TXNL1: variants seen among roughly 807,000 people sequenced by gnomAD.
TXNL1 encodes the protein thioredoxin like 1.
A neutral mutation model predicts 35.5 loss-of-function variants in TXNL1; 14 were observed. The ratio of observed to expected loss-of-function variants is 0.39; its 90% CI spans 0.26 to 0.62. The LOEUF (loss-of-function observed/expected upper bound fraction) is 0.62. TXNL1 is among the 20% of genes least tolerant of loss of function. TXNL1 has a pLI of 0.47. For missense variants in TXNL1, 263 were observed against 349.7 expected, an observed-to-expected ratio of 0.75 and a Z score of 1.98; for synonymous variants, 110 against 115.5, an observed-to-expected ratio of 0.95 and a Z score of 0.31.
intron 7 of TXNL1, among the ~76,000 whole-genome samples, chr18:56,605,782 T>G (rs984705161): frequency 1.3e-5 from 2 of 152,216 alleles, no homozygotes; most frequent in Non-Finnish European, 1.5e-5. Context: ...CTTAAAAGTC[T>G]AACCTTCAAA....
chr18:56,617,513 C>G (rs1022960035), intron 4 of TXNL1, among the ~76,000 whole-genome samples: 1 of 152,122 alleles, frequency 6.6e-6, no homozygotes, highest in Admixed American at 6.5e-5. Flanking sequence ...AAGTAACAGC[C>G]AAAATGAAGA....
rs1397285228 is a variant in TXNL1, at chr18:56,614,406, G to A, written c.735+18C>T. The stretch of plus-strand genomic sequence containing the variant: ...ACTCACAAACCTATTAAATACATAT[G>A]AACGAAATACTACTTACAGTTACAC... On this transcript the variant is annotated intron_variant, in intron 6 of 7. Coordinates refer to ENST00000217515, the MANE Select transcript of TXNL1 (RefSeq NM_004786.3). 1.9e-6 allele frequency: 3 copies of A among 1,605,922 alleles called. No homozygotes were observed.
intron 7 of TXNL1, among the ~76,000 whole-genome samples, chr18:56,606,849 T>C (rs982653075): frequency 6.6e-6 from 1 of 152,228 alleles, no homozygotes; most frequent in South Asian, 2.1e-4. Context: ...CAGTTTCAAC[T>C]GCCTATGGTG....
intron 3 of TXNL1, among the ~76,000 whole-genome samples, chr18:56,623,421 G>T (rs959094689): frequency 8.4e-6 from 1 of 118,646 alleles, no homozygotes; most frequent in African/African-American, 2.9e-5. Context: ...GAGGGACTCC[G>T]CCTCAAAAAA....
rs185342200 is a variant in TXNL1 at position 56,616,413 on chromosome 18, C to A, written c.493-99G>T. 3.9e-3 allele frequency: 4,005 copies of A among 1,037,018 alleles called. 14 individuals carry two copies. Among genetic ancestry groups the A allele is most frequent in the Non-Finnish European group, 4.4e-3 (3,150 of 715,300 alleles). The allele number at this position is 1,037,018 out of a possible 1,614,324, so 64.2% of individuals were successfully genotyped here. A position where few individuals can be genotyped will look rare whatever the true frequency, so the allele number is the denominator to read the frequency against. On this transcript the variant is annotated intron_variant, in intron 4 of 7. Coordinates refer to ENST00000217515, the MANE Select transcript of TXNL1 (RefSeq NM_004786.3). ...AAAATAACAGGCAAGAAAAAAAAAA[C>A]CAACCTAATTCATCGAACAAAACCA...
At chr18:56,611,433 T>G (rs1418075535) in intron 6 of TXNL1, among the ~76,000 whole-genome samples, 1 of 147,766 alleles carries the variant, frequency 6.8e-6, no homozygotes, top group Non-Finnish European at 1.5e-5. Flanking sequence ...ATCCAGGAGG[T>G]GGAGGTTGCA....
chr18:56,607,875 A>T (rs1488981573), intron 7 of TXNL1, among the ~76,000 whole-genome samples: 3 of 152,172 alleles, frequency 2.0e-5, no homozygotes, highest in Non-Finnish European at 2.9e-5. Flanking sequence ...AAAAATAAGT[A>T]AACCCATTGT....
chr18:56,612,899 C>T (rs1445992949), intron 6 of TXNL1, among the ~76,000 whole-genome samples: 1 of 151,000 alleles, frequency 6.6e-6, no homozygotes, highest in African/African-American at 2.4e-5. Flanking sequence ...GTCACCCAGA[C>T]TGGAGTGTAA....
chr18:56,614,914 A>C (rs368958581), intron 5 of TXNL1, among the ~76,000 whole-genome samples: 11 of 152,260 alleles, frequency 7.2e-5, no homozygotes, highest in African/African-American at 2.6e-4. Flanking sequence ...TAAACAAAAT[A>C]CCACAGGAGA....
chr18:56,635,666 TG>T (rs1357352116), intron 1 of TXNL1, among the ~76,000 whole-genome samples: 1 of 152,114 alleles, frequency 6.6e-6, no homozygotes, highest in Non-Finnish European at 1.5e-5. Context: ...GAAGTAAGGA[TG>T]GGGAGTTATC....
intron 2 of TXNL1, 65 bp from the exon 3 acceptor site, chr18:56,624,526 C>T: frequency 2.0e-6 from 3 of 1,505,934 alleles, no homozygotes; most frequent in South Asian, 2.5e-5. Context: ...ATTCATTCTA[C>T]ACCTTTATGG....
At chr18:56,625,105 G>C (rs1326863158) in intron 2 of TXNL1, among the ~76,000 whole-genome samples, 1 of 152,016 alleles carries the variant, frequency 6.6e-6, no homozygotes, top group African/African-American at 2.4e-5. Context: ...AAAGGAAACA[G>C]TAAAGCAAAT....
In TXNL1 at chr18:56,626,419, G is replaced by T. The variant is rs1262546350; in HGVS notation, c.137C>A (p.Ser46Tyr). The change falls in exon 2 of 8, where the codon TCT becomes TAT. Residue 46 changes from serine (S) to tyrosine (Y), a missense_variant. Coordinates refer to ENST00000217515, the MANE Select transcript of TXNL1 (RefSeq NM_004786.3). ...AGCCTGTGGATATTTATTACTCATA[G>T]AACTGAATGCTGGGGCAATCCTCAA... ...PCLRIAPAFSSMSNKYPQAVF... is the reference protein window; with the variant it reads ...PCLRIAPAFSYMSNKYPQAVF... The T allele has an allele frequency of 5.0e-6, 8 of 1,613,578 alleles. No homozygotes were observed. The highest frequency in any genetic ancestry group is 2.7e-5 in the African/African-American group (2 of 74,900).
rs895105468 is a variant in TXNL1 at position 56,600,958 on chromosome 18, T to G, written c.*2069A>C. On this transcript the variant is annotated 3_prime_UTR_variant, in exon 8 of 8. Transcript: ENST00000217515. ...TCAAAATACAGAGATCATGAAATTCTTTTTTGCTATGTCCGACAAAATGAA... is the reference window on the plus strand; with the variant it reads ...TCAAAATACAGAGATCATGAAATTCGTTTTTGCTATGTCCGACAAAATGAA... 5.3e-5 allele frequency: 8 copies of G among 152,202 alleles called. No individual in the cohort carries two copies. Among genetic ancestry groups the G allele is most frequent in the Admixed American group, 2.6e-4 (4 of 15,276 alleles). The allele number at this position is 152,202 out of a possible 1,614,324, so 9.4% of individuals were successfully genotyped here.
At chr18:56,606,217 A>G (rs892638188) in intron 7 of TXNL1, among the ~76,000 whole-genome samples, 4 of 152,104 alleles carry the variant, frequency 2.6e-5, no homozygotes, top group African/African-American at 9.7e-5. Flanking sequence ...TCTACTAAAT[A>G]TACAAAAAAA....
chr18:56,611,150 T>G (rs1213323200), intron 6 of TXNL1, 53 bp from the exon 7 acceptor site: 1 of 1,170,640 alleles, frequency 8.5e-7, no homozygotes, highest in African/African-American at 1.6e-5. Context: ...ACAAACATGC[T>G]TTAAGTTTAA....
intron 3 of TXNL1, among the ~76,000 whole-genome samples, chr18:56,619,213 C>CAAA (rs780757654): frequency 9.2e-5 from 6 of 64,956 alleles, no homozygotes; most frequent in African/African-American, 2.8e-4. Context: ...GACCCTGTCT[C>CAAA]AAAAAAAAAA....
At chr18:56,632,267 C>T (rs1415342976) in intron 1 of TXNL1, among the ~76,000 whole-genome samples, 2 of 152,074 alleles carry the variant, frequency 1.3e-5, no homozygotes, top group Non-Finnish European at 2.9e-5. Context: ...GGATAATATG[C>T]TTTCTAAAGC....
At chr18:56,635,250 C>T (rs569947426) in intron 1 of TXNL1, among the ~76,000 whole-genome samples, 1 of 151,984 alleles carries the variant, frequency 6.6e-6, no homozygotes, top group Non-Finnish European at 1.5e-5. Context: ...AGAGCAAGAC[C>T]CTGTCTCTAA....
Sources: gnomAD v4.1 joint callset for allele counts (sites outside exome capture counted in the v4.1 genomes callset) on GRCh38, gnomAD v4.1.1 for gene constraint, MANE v1.5 for transcripts, NCBI Gene and HGNC (gene_info 2026-07-23, HGNC 2026-07-21) for gene names.